Variants in CHRM3 observed in about 807,000 individuals in gnomAD.
CHRM3 encodes the protein cholinergic receptor muscarinic 3, also known as muscarinic acetylcholine receptor M3.
A neutral mutation model predicts 41.8 loss-of-function variants in CHRM3; 11 were observed. That is an observed-to-expected ratio of 0.26 (90% CI 0.17 to 0.44). CHRM3 has a LOEUF of 0.44. Among genes scored for constraint, CHRM3 ranks in the 20% least tolerant of loss-of-function variants. CHRM3 has a pLI of 1.00. For missense variants in CHRM3, 571 were observed against 745.4 expected (o/e 0.77, Z 2.72); for synonymous variants, 297 against 301.4 (o/e 0.99, Z 0.15).
intron 3 of CHRM3, among the ~76,000 whole-genome samples, chr1:239,547,268 T>C (rs1185446690): frequency 1.3e-5 from 2 of 152,184 alleles, no homozygotes; most frequent in African/African-American, 2.4e-5. Context: ...CACCATTTTG[T>C]AGTTTTGCAA....
chr1:239,410,068 T>C (rs1660947866), intron 1 of CHRM3, among the ~76,000 whole-genome samples: 1 of 152,238 alleles, frequency 6.6e-6, no homozygotes, highest in South Asian at 2.1e-4. Context: ...TAAAGTTATC[T>C]AGTGTTCTTT....
intron 6 of CHRM3, chr1:239,886,125 A>C (rs548291313): frequency 6.6e-6 from 1 of 152,352 alleles, no homozygotes; most frequent in Admixed American, 6.5e-5. Context: ...TTTTTGAGAA[A>C]GTAGAGAAGA....
At chr1:239,435,753 C>G (rs936421274) in intron 1 of CHRM3, among the ~76,000 whole-genome samples, 2 of 152,044 alleles carry the variant, frequency 1.3e-5, no homozygotes, top group Admixed American at 1.3e-4. Context: ...GAATTTGAAC[C>G]TTTGATTTTC....
chr1:239,635,123 A>G (rs544314139), intron 4 of CHRM3, among the ~76,000 whole-genome samples: 16 of 152,180 alleles, frequency 1.1e-4, no homozygotes, highest in African/African-American at 3.9e-4. Context: ...CTCTTTTGTT[A>G]TGACTCTACT....
chr1:239,792,285 C>T (rs1372622755), intron 5 of CHRM3, among the ~76,000 whole-genome samples: 1 of 152,158 alleles, frequency 6.6e-6, no homozygotes, highest in Non-Finnish European at 1.5e-5. Context: ...CACCAGGGAG[C>T]AGTGATGGAC....
intron 2 of CHRM3, among the ~76,000 whole-genome samples, chr1:239,530,167 T>C (rs1670299748): frequency 2.0e-5 from 3 of 152,266 alleles, no homozygotes; most frequent in African/African-American, 7.2e-5. Context: ...CCTCCCAAAG[T>C]GCTGGGATTA....
intron 5 of CHRM3, among the ~76,000 whole-genome samples, chr1:239,769,583 C>G (rs894080287): frequency 3.3e-5 from 5 of 152,148 alleles, no homozygotes; most frequent in African/African-American, 4.8e-5. Context: ...TAAATGCATC[C>G]ATTTTCCTCC....
chr1:239,523,748 C>T (rs796445603), intron 2 of CHRM3, among the ~76,000 whole-genome samples: 51 of 152,022 alleles, frequency 3.4e-4, no homozygotes, highest in African/African-American at 1.1e-3. Flanking sequence ...TCAGGAGGGC[C>T]GAAAGCATAG....
At chr1:239,551,449 AC>A (rs1390840310) in intron 3 of CHRM3, among the ~76,000 whole-genome samples, 1 of 151,604 alleles carries the variant, frequency 6.6e-6, no homozygotes, top group Non-Finnish European at 1.5e-5. Flanking sequence ...GGAGTGAGCC[AC>A]TGCACCTGGC....
chr1:239,775,989 C>A (rs1289993441), intron 5 of CHRM3, among the ~76,000 whole-genome samples: 1 of 152,150 alleles, frequency 6.6e-6, no homozygotes, highest in Non-Finnish European at 1.5e-5. Context: ...TATTTCTAGA[C>A]CTGAAGTCTT....
At chr1:239,735,610 T>A (rs144784047) in intron 5 of CHRM3, among the ~76,000 whole-genome samples, 41 of 152,228 alleles carry the variant, frequency 2.7e-4, no homozygotes, top group African/African-American at 9.4e-4. Flanking sequence ...GAAGCACTAT[T>A]TTTGGCTAGA....
chr1:239,881,261 C>G (rs369236212), intron 6 of CHRM3, among the ~76,000 whole-genome samples: 132 of 100,738 alleles, frequency 1.3e-3, no homozygotes, highest in African/African-American at 4.9e-3. Flanking sequence ...CCAGCCTGGG[C>G]GACAGAGTGA....
At chr1:239,798,292 G>A (rs1401264551) in intron 5 of CHRM3, among the ~76,000 whole-genome samples, 2 of 152,164 alleles carry the variant, frequency 1.3e-5, no homozygotes, top group Admixed American at 6.5e-5. Context: ...GCTATTCATA[G>A]TTACGTTTTG....
chr1:239,512,965 G>T (rs1476044349), intron 2 of CHRM3, among the ~76,000 whole-genome samples: 2 of 152,082 alleles, frequency 1.3e-5, no homozygotes, highest in Non-Finnish European at 2.9e-5. Context: ...AGCAAGCCAG[G>T]CATGCATTTG....
chr1:239,786,929 A>G (rs968093987), intron 5 of CHRM3, among the ~76,000 whole-genome samples: 2 of 152,312 alleles, frequency 1.3e-5, no homozygotes, highest in East Asian at 1.9e-4. Flanking sequence ...ACTGAAGGAC[A>G]TTGTGCAAGC....
intron 4 of CHRM3, among the ~76,000 whole-genome samples, chr1:239,674,438 G>A (rs1008246211): frequency 1.3e-5 from 2 of 152,024 alleles, no homozygotes; most frequent in African/African-American, 4.8e-5. Context: ...GGCTGGGCGC[G>A]GTGGCTCATG....
chr1:239,643,429 AGCTTCCCAGCT>A (rs1182660035), intron 4 of CHRM3, among the ~76,000 whole-genome samples: 1 of 152,114 alleles, frequency 6.6e-6, no homozygotes, highest in African/African-American at 2.4e-5. Context: ...ACCCAGTTCG[AGCTTCCCAGCT>A]GCTTTGTTTA....
intron 3 of CHRM3, among the ~76,000 whole-genome samples, chr1:239,615,117 A>G (rs1667491532): frequency 6.6e-6 from 1 of 152,188 alleles, no homozygotes; most frequent in African/African-American, 2.4e-5. Flanking sequence ...AAAGCATATT[A>G]GTGCTAGCCA....
intron 6 of CHRM3, among the ~76,000 whole-genome samples, chr1:239,891,913 A>T (rs755532547): frequency 6.6e-6 from 1 of 152,154 alleles, no homozygotes; most frequent in Non-Finnish European, 1.5e-5. Context: ...CATCCTAGTT[A>T]TTAAGGGTGG....
Sources: allele counts gnomAD v4.1 joint callset (sites outside exome capture counted in the v4.1 genomes callset), GRCh38; gene constraint gnomAD v4.1.1; transcripts MANE v1.5; gene names NCBI Gene and HGNC (gene_info 2026-07-23, HGNC 2026-07-21).